SIPA1L3: variants seen among roughly 807,000 people sequenced by gnomAD.
The protein encoded by SIPA1L3 is signal-induced proliferation-associated 1-like protein 3.
Under a neutral mutation model 150.1 loss-of-function variants are expected in SIPA1L3, and 59 were observed. The observed-to-expected ratio is 0.39, with a 90% CI of 0.32 to 0.49. SIPA1L3 has a LOEUF of 0.49. Ranked by LOEUF, SIPA1L3 falls within the 20% of genes least tolerant of loss-of-function variation. The pLI is 0.86. For synonymous variants in SIPA1L3, 1,070 were observed against 1,077.6 expected (o/e 0.99, Z 0.14); for missense variants, 2,211 against 2,489.5 (o/e 0.89, Z 2.38).
At chr19:38,134,479 C>T (rs1041337838) in intron 10 of SIPA1L3, among the ~76,000 whole-genome samples, 22 of 138,644 alleles carry the variant, frequency 1.6e-4, no homozygotes, top group Admixed American at 1.5e-3. Flanking sequence ...GAGGCCAAGG[C>T]GGGTGGATCA....
rs556082905 is a variant in SIPA1L3 at position 38,198,344 on chromosome 19, G to T, written c.4841-45G>T. On this transcript the variant is annotated intron_variant, in intron 18 of 21. Coordinates refer to ENST00000222345, the MANE Select transcript of SIPA1L3 (RefSeq NM_015073.3). ...ATGTCTTCATGTATTTGTGTCTCCC[G>T]CATTGTCACACTCAACCACTGCCAT... 1.0e-5 allele frequency: 15 copies of T among 1,457,046 alleles called. No individual in the cohort carries two copies. The Admixed American group carries it at 3.6e-4, about 35-fold the overall frequency. 90.3% of individuals were successfully genotyped at this position (1,457,046 alleles called of 1,614,324 possible).
At chr19:38,188,098 A>G (rs1439270157) in intron 16 of SIPA1L3, among the ~76,000 whole-genome samples, 1 of 152,082 alleles carries the variant, frequency 6.6e-6, no homozygotes, top group Non-Finnish European at 1.5e-5. Context: ...TTTTGGAGAC[A>G]GTGTCTTTGT....
chr19:38,181,017 G>A (rs1972543391), intron 15 of SIPA1L3, among the ~76,000 whole-genome samples: 1 of 152,058 alleles, frequency 6.6e-6, no homozygotes. Flanking sequence ...CAAAGTTCCT[G>A]ATGCACATAT....
At chr19:38,068,582 GGGC>G (rs1313363481) in intron 2 of SIPA1L3, among the ~76,000 whole-genome samples, 1 of 152,140 alleles carries the variant, frequency 6.6e-6, no homozygotes, top group Non-Finnish European at 1.5e-5. Flanking sequence ...CTACTTGGCA[GGGC>G]ATGGTGGTTT....
At chr19:38,135,448 G>T (rs1254724126) in intron 10 of SIPA1L3, among the ~76,000 whole-genome samples, 10 of 152,176 alleles carry the variant, frequency 6.6e-5, no homozygotes. Context: ...AACCCCACAG[G>T]CAAGTGCCCT....
At chr19:38,196,671 G>C (rs578029158) in intron 18 of SIPA1L3, among the ~76,000 whole-genome samples, 2 of 151,906 alleles carry the variant, frequency 1.3e-5, no homozygotes, top group South Asian at 4.2e-4. Context: ...AGGAGGCCAA[G>C]GGTGGAGCGT....
At chr19:37,943,768 T>G (rs1361577055) in intron 1 of SIPA1L3, among the ~76,000 whole-genome samples, 1 of 152,178 alleles carries the variant, frequency 6.6e-6, no homozygotes, top group East Asian at 1.9e-4. Context: ...GCCAAATGGC[T>G]TTACTTGGTG....
chr19:38,105,004 C>T (rs1478746824), intron 6 of SIPA1L3, among the ~76,000 whole-genome samples: 1 of 152,134 alleles, frequency 6.6e-6, no homozygotes, highest in African/African-American at 2.4e-5. Context: ...GGCTCTGGCA[C>T]TGGCAGCTGT....
intron 12 of SIPA1L3, among the ~76,000 whole-genome samples, chr19:38,149,614 G>A (rs1243488752): frequency 6.6e-6 from 1 of 152,308 alleles, no homozygotes; most frequent in South Asian, 2.1e-4. Flanking sequence ...CCTCCTTGAT[G>A]TATTGCTGTC....
intron 21 of SIPA1L3, among the ~76,000 whole-genome samples, chr19:38,205,671 G>A (rs547096345): frequency 6.6e-6 from 1 of 152,082 alleles, no homozygotes; most frequent in East Asian, 1.9e-4. Context: ...GGAAGAAGGG[G>A]GTCTGCTCAG....
intron 1 of SIPA1L3, among the ~76,000 whole-genome samples, chr19:37,969,001 A>G (rs1489188553): frequency 6.6e-6 from 1 of 152,224 alleles, no homozygotes; most frequent in Non-Finnish European, 1.5e-5. Flanking sequence ...TGTTCTTTTT[A>G]GGAACAGAGA....
At chr19:38,033,507 G>A (rs577390718) in intron 2 of SIPA1L3, among the ~76,000 whole-genome samples, 129 of 152,246 alleles carry the variant, frequency 8.5e-4, no homozygotes, top group Non-Finnish European at 1.5e-3. Flanking sequence ...GGGCAGCAGA[G>A]TGAGACTCCA....
At chr19:38,099,912 C>A (rs570799088) in intron 4 of SIPA1L3, 50 bp from the exon 5 acceptor site, 34 of 1,454,952 alleles carry the variant, frequency 2.3e-5, no homozygotes, top group Non-Finnish European at 2.7e-5. Flanking sequence ...GCTCTTATCC[C>A]TTTTTAGGTC....
intron 1 of SIPA1L3, among the ~76,000 whole-genome samples, chr19:37,954,242 C>G (rs949373144): frequency 1.3e-5 from 2 of 152,052 alleles, no homozygotes; most frequent in African/African-American, 4.8e-5. Context: ...ACCTATACTG[C>G]TTTGACATTC....
intron 12 of SIPA1L3, among the ~76,000 whole-genome samples, chr19:38,149,342 A>C (rs1173983270): frequency 6.6e-6 from 1 of 152,142 alleles, no homozygotes; most frequent in Non-Finnish European, 1.5e-5. Flanking sequence ...AGTTCGCGTC[A>C]CTGCTGCACT....
intron 15 of SIPA1L3, among the ~76,000 whole-genome samples, chr19:38,177,520 GA>G (rs35889634): frequency 2.0e-5 from 3 of 151,642 alleles, no homozygotes; most frequent in Non-Finnish European, 4.4e-5. Context: ...CAAAAAGGGG[GA>G]AAAAAGGACA....
chr19:38,000,350 C>T (rs1967752150), intron 1 of SIPA1L3, among the ~76,000 whole-genome samples: 1 of 151,888 alleles, frequency 6.6e-6, no homozygotes, highest in Non-Finnish European at 1.5e-5. Context: ...TGCCTATAAT[C>T]CCAGCTACTC....
intron 4 of SIPA1L3, among the ~76,000 whole-genome samples, chr19:38,096,696 C>T (rs551349663): frequency 1.3e-5 from 2 of 152,276 alleles, no homozygotes; most frequent in South Asian, 4.1e-4. Context: ...GCTGTGGCTA[C>T]AAGCATGAGC....
At chr19:38,133,225 G>C (rs1971354417) in intron 10 of SIPA1L3, among the ~76,000 whole-genome samples, 1 of 152,210 alleles carries the variant, frequency 6.6e-6, no homozygotes, top group African/African-American at 2.4e-5. Flanking sequence ...TCAGACAGCG[G>C]CACCTGGCCA....
Sources: allele counts gnomAD v4.1 joint callset (sites outside exome capture counted in the v4.1 genomes callset), GRCh38; gene constraint gnomAD v4.1.1; transcripts MANE v1.5; gene names NCBI Gene and HGNC (gene_info 2026-07-23, HGNC 2026-07-21).